The following PDZD9 variants were observed in gnomAD, a reference collection of about 807,000 sequenced individuals.
The protein encoded by PDZD9 is PDZ domain containing 9.
PDZD9 carries 13 observed loss-of-function variants against 16.3 expected under a neutral mutation model. The ratio of observed to expected loss-of-function variants is 0.80; its 90% CI spans 0.52 to 1.27. PDZD9 has a LOEUF of 1.27. Among genes scored for constraint, PDZD9 ranks in the 50% most tolerant of loss-of-function variants. The pLI, the probability that PDZD9 is intolerant of heterozygous loss-of-function variation, is 0.00. For synonymous variants in PDZD9, 120 were observed against 111.0 expected, an observed-to-expected ratio of 1.08 and a Z score of -0.51; for missense variants, 288 against 310.9, an observed-to-expected ratio of 0.93 and a Z score of 0.55.
At chr16:21,965,958 A>C in the PDZD9 span, among the ~76,000 whole-genome samples, 1 of 152,132 alleles carries the variant, frequency 6.6e-6, no homozygotes, top group African/African-American at 2.4e-5. Context: ...TGCTGGGATT[A>C]CAGGCATGAG....
chr16:21,962,389 G>A, the PDZD9 span: 18 of 1,563,156 alleles, frequency 1.2e-5, no homozygotes, highest in Non-Finnish European at 1.6e-5. Context: ...GGAATTGGTT[G>A]ATAGAAGATT....
chr16:21,996,250 C>G lies in PDZD9; in HGVS notation c.211+72G>C. ...ATATCCTTATAGTTACACTGAAACC[C>G]GGTGACCCGAGTCACCCTGCAGGCA... On this transcript the variant is annotated intron_variant, in intron 2 of 3. Coordinates refer to ENST00000424898, the MANE Select transcript of PDZD9 (RefSeq NM_001363519.1). 4.2e-6 allele frequency: 6 copies of G among 1,416,450 alleles called. No individual in the cohort carries two copies. The South Asian group carries it at 8.0e-5, about 19-fold the overall frequency. 87.7% of individuals were successfully genotyped at this position (1,416,450 alleles called of 1,614,324 possible). A position where few individuals can be genotyped will look rare whatever the true frequency, so the allele number is the denominator to read the frequency against.
the PDZD9 span, chr16:21,971,462 A>T: frequency 9.6e-6 from 13 of 1,359,076 alleles, no homozygotes; most frequent in Non-Finnish European, 1.2e-5. Flanking sequence ...CAAGGAAAAA[A>T]TATTTTACGA....
At chr16:21,969,664 T>C in the PDZD9 span, among the ~76,000 whole-genome samples, 1 of 152,230 alleles carries the variant, frequency 6.6e-6, no homozygotes, top group African/African-American at 2.4e-5. Context: ...TGTTTTGTTT[T>C]GCAAATTACA....
At chr16:21,961,626 TTATATATATATATATATATATATATATA>T in the PDZD9 span, among the ~76,000 whole-genome samples, 60 of 64,482 alleles carry the variant, frequency 9.3e-4, 1 homozygote, top group Non-Finnish European at 1.8e-3. Context: ...AACATAAAAT[TTATATATATATATATATATATATATATA>T]TATATATATA....
chr16:21,997,883 A>G (rs925191029), intron 1 of PDZD9, among the ~76,000 whole-genome samples: 1 of 152,062 alleles, frequency 6.6e-6, no homozygotes, highest in Non-Finnish European at 1.5e-5. Context: ...TGCCAAGTCC[A>G]TGTGACTGTG....
intron 2 of PDZD9, among the ~76,000 whole-genome samples, chr16:21,994,915 C>T (rs563590503): frequency 1.3e-5 from 2 of 152,020 alleles, no homozygotes; most frequent in South Asian, 4.2e-4. Flanking sequence ...ACTACAGCCT[C>T]GGCCTCCTGC....
At chr16:21,972,109 A>C in the PDZD9 span, 5,296 of 1,613,562 alleles carry the variant, frequency 3.3e-3, 12 homozygotes, top group Non-Finnish European at 3.9e-3. Flanking sequence ...AAGGCAACTC[A>C]GCAGCCATTT....
Position 22,001,016 on chromosome 16 carries a change from C to G in PDZD9, c.31+1G>C. 1.3e-6 allele frequency: 2 copies of G among 1,533,536 alleles called. No individual in the cohort carries two copies. Among genetic ancestry groups the G allele is most frequent in the Non-Finnish European group, 1.7e-6 (2 of 1,145,950 alleles). 95.0% of individuals were successfully genotyped at this position (1,533,536 alleles called of 1,614,324 possible). A position where few individuals can be genotyped will look rare whatever the true frequency, so the allele number is the denominator to read the frequency against. The stretch of plus-strand genomic sequence containing the variant: ...TCACCCGCTTCCTTCTCCCCAGTTA[C>G]CTTTTTTGTTTTTGTGGGAGGCCTT... On this transcript the variant is annotated splice_donor_variant, in intron 1 of 3. Transcript: ENST00000424898. LOFTEE classifies it high-confidence loss of function.
the PDZD9 span, chr16:21,968,374 G>T: frequency 3.3e-6 from 1 of 305,634 alleles, no homozygotes; most frequent in Non-Finnish European, 6.0e-6. Context: ...TATTTAAAGT[G>T]TACACAATTC....
Position 21,988,684 on chromosome 16 carries a change from C to T in PDZD9, c.319G>A (p.Val107Ile), listed in dbSNP as rs1898944270. The T allele has an allele frequency of 1.2e-6, 2 of 1,613,388 alleles. No individual in the cohort carries two copies. Among genetic ancestry groups the T allele is most frequent in the South Asian group, 1.1e-5 (1 of 91,040 alleles). Reference sequence around the variant, plus strand: ...GGAATGTTAATAAAATCTCGGTAAACCTTGATTTGTAGCACTGTTCCAATA... The same window carrying T: ...GGAATGTTAATAAAATCTCGGTAAATCTTGATTTGTAGCACTGTTCCAATA... ...ITIGTVLQIK[V>I]YRDFINIPEE... Residue 107 changes from valine to isoleucine, a missense_variant, in exon 3 of 4, where the codon GTT becomes ATT. Coordinates refer to ENST00000424898, the MANE Select transcript of PDZD9 (RefSeq NM_001363519.1).
chr16:21,963,154 A>G, the PDZD9 span: 2 of 230,860 alleles, frequency 8.7e-6, no homozygotes, highest in African/African-American at 2.3e-5. Flanking sequence ...ACACCTGGCT[A>G]ATTTTTTGTA....
the PDZD9 span, among the ~76,000 whole-genome samples, chr16:21,967,497 T>A: frequency 6.6e-6 from 1 of 152,160 alleles, no homozygotes; most frequent in African/African-American, 2.4e-5. Flanking sequence ...GGATAGCATT[T>A]CTGTTGAAAG....
chr16:21,976,306 T>A, the PDZD9 span: 1 of 1,374,572 alleles, frequency 7.3e-7, no homozygotes, highest in Non-Finnish European at 1.0e-6. Flanking sequence ...TCTTTTCAGA[T>A]TATAACAATA....
the PDZD9 span, among the ~76,000 whole-genome samples, chr16:21,961,097 G>T: frequency 6.6e-6 from 1 of 152,150 alleles, no homozygotes; most frequent in African/African-American, 2.4e-5. Flanking sequence ...CAGCATGCTG[G>T]GATTGCAGAT....
the PDZD9 span, chr16:21,965,332 G>A: frequency 7.1e-7 from 1 of 1,403,992 alleles, no homozygotes; most frequent in Non-Finnish European, 1.0e-6. Context: ...GTATAGGCTT[G>A]TTGCTTTCTA....
the PDZD9 span, among the ~76,000 whole-genome samples, chr16:21,965,075 CG>C: frequency 0.094 from 14,238 of 152,128 alleles, 833 homozygotes; most frequent in South Asian, 0.27. Flanking sequence ...GGCAAGATGG[CG>C]GCAGAACCAT....
chr16:21,991,189 G>T (rs1159941715), intron 2 of PDZD9, among the ~76,000 whole-genome samples: 1 of 151,976 alleles, frequency 6.6e-6, no homozygotes, highest in East Asian at 1.9e-4. Flanking sequence ...TGCTTAGGCA[G>T]TAGCCAGTCC....
downstream of PDZD9, chr16:21,980,774 A>G (rs1898704810): frequency 1.5e-5 from 23 of 1,558,460 alleles, no homozygotes; most frequent in Non-Finnish European, 1.8e-5. Flanking sequence ...AAGGATGCAT[A>G]AGCGTCCTTG....
Sources: allele counts gnomAD v4.1 joint callset (sites outside exome capture counted in the v4.1 genomes callset), GRCh38; gene constraint gnomAD v4.1.1; transcripts MANE v1.5; gene names NCBI Gene and HGNC (gene_info 2026-07-23, HGNC 2026-07-21).